SNAP23: variants seen among roughly 807,000 people sequenced by gnomAD.
SNAP23 encodes synaptosome associated protein 23.
SNAP23 carries 11 observed loss-of-function variants against 29.0 expected under a neutral mutation model. That is an observed-to-expected ratio of 0.38 (90% CI 0.24 to 0.63). SNAP23 has a LOEUF of 0.63. SNAP23 is among the 20% of genes least tolerant of loss of function. The pLI is 0.58. For missense variants in SNAP23, 220 were observed against 253.9 expected (o/e 0.87, Z 0.91); for synonymous variants, 60 against 82.9 (o/e 0.72, Z 1.50).
chr15:42,509,806 G>T (rs2057346217), intron 1 of SNAP23, among the ~76,000 whole-genome samples: 1 of 152,106 alleles, frequency 6.6e-6, no homozygotes, highest in Non-Finnish European at 1.5e-5. Flanking sequence ...CGGTGGCTCA[G>T]GCCTGCAATC....
upstream of SNAP23, among the ~76,000 whole-genome samples, chr15:42,491,885 A>G (rs911907439): frequency 1.8e-5 from 2 of 111,942 alleles, no homozygotes; most frequent in Non-Finnish European, 4.0e-5. Flanking sequence ...CCCAGCCTAC[A>G]TTTATTATTT....
intron 6 of SNAP23, 147 bp from the exon 7 acceptor site, chr15:42,529,528 G>A (rs904594139): frequency 1.2e-5 from 9 of 738,744 alleles, no homozygotes; most frequent in African/African-American, 7.1e-5. Flanking sequence ...TTTTATTATA[G>A]AATGTTTCCC....
rs979592946 is a variant in SNAP23, at chr15:42,506,063, A to G, written c.-14-5770A>G. 2.7e-5 allele frequency among the ~76,000 whole-genome samples: 4 copies of G among 150,186 alleles called. No homozygotes were observed. The South Asian group carries it at 8.4e-4, about 31-fold the overall frequency. Reference sequence around the variant, plus strand: ...CGGGTTCAAACGATTCTCCTGCCTCAGCCTCCCGAGTAGCTGGGACTACAG... The same window carrying G: ...CGGGTTCAAACGATTCTCCTGCCTCGGCCTCCCGAGTAGCTGGGACTACAG... On this transcript the variant is annotated intron_variant, in intron 1 of 7. Transcript: ENST00000249647.
intron 5 of SNAP23, among the ~76,000 whole-genome samples, chr15:42,522,377 AAACT>A (rs1479096988): frequency 3.9e-5 from 6 of 152,326 alleles, no homozygotes; most frequent in South Asian, 2.1e-4. Context: ...AATTAATACA[AAACT>A]AACTAATATT....
rs1365929938 is a variant in SNAP23 at position 42,532,987 on chromosome 15, C to T, written c.*1509C>T. On this transcript the variant is annotated 3_prime_UTR_variant, in exon 8 of 8. Coordinates refer to ENST00000249647, the MANE Select transcript of SNAP23 (RefSeq NM_003825.4). ...TTTTAAAATTAGCATCTGAACACTT[C>T]AAAGCTGTCAGTGTGTATTGGTTTC... 6.6e-6 allele frequency: 1 copy of T among 152,582 alleles called. No individual in the cohort carries two copies. Among genetic ancestry groups the T allele is most frequent in the African/African-American group, 2.4e-5 (1 of 41,394 alleles). The allele number at this position is 152,582 out of a possible 1,614,324, so 9.5% of individuals were successfully genotyped here.
intron 1 of SNAP23, among the ~76,000 whole-genome samples, chr15:42,498,491 G>T (rs964459740): frequency 3.9e-5 from 6 of 152,192 alleles, no homozygotes; most frequent in Non-Finnish European, 7.3e-5. Flanking sequence ...CCAGGAGCTG[G>T]AGCAGCTGGG....
intron 1 of SNAP23, among the ~76,000 whole-genome samples, chr15:42,497,251 C>T (rs1373991046): frequency 6.9e-6 from 1 of 143,900 alleles, no homozygotes; most frequent in African/African-American, 2.6e-5. Context: ...CTCTGTCGCT[C>T]AGGCTGGAGT....
intron 2 of SNAP23, chr15:42,512,303 A>T (rs2057363149): frequency 6.7e-6 from 1 of 148,920 alleles, no homozygotes; most frequent in Non-Finnish European, 1.5e-5. Context: ...TTTCAACATC[A>T]CACTGGAAGT....
intron 6 of SNAP23, among the ~76,000 whole-genome samples, chr15:42,529,007 G>T (rs6493051): frequency 0.98 from 149,690 of 152,350 alleles, 73,584 homozygotes; most frequent in East Asian, 1. Context: ...GAAAAAAATA[G>T]GTTTTAAAAT....
upstream of SNAP23, chr15:42,495,322 T>C (rs1308468114): frequency 1.3e-5 from 2 of 152,242 alleles, no homozygotes; most frequent in African/African-American, 2.4e-5. Flanking sequence ...TGTTTACATA[T>C]CTATATCTTA....
At chr15:42,503,297 G>A (rs1168906626) in intron 1 of SNAP23, among the ~76,000 whole-genome samples, 6 of 152,000 alleles carry the variant, frequency 3.9e-5, no homozygotes, top group Admixed American at 6.6e-5. Flanking sequence ...CGCCTCCCGG[G>A]TTCAAGTGAT....
At chr15:42,511,572 C>T (rs191184342) in intron 1 of SNAP23, among the ~76,000 whole-genome samples, 50 of 152,266 alleles carry the variant, frequency 3.3e-4, no homozygotes, top group Non-Finnish European at 6.3e-4. Context: ...ATCCACTTTC[C>T]TGTTGGAAAG....
intron 1 of SNAP23, among the ~76,000 whole-genome samples, chr15:42,510,935 G>C (rs2057354253): frequency 6.6e-6 from 1 of 152,060 alleles, no homozygotes; most frequent in African/African-American, 2.4e-5. Context: ...GATTCCTGGG[G>C]TCAAATCTGT....
In SNAP23 at chr15:42,505,033, T is replaced by G. The variant is rs557848398; in HGVS notation, c.-14-6800T>G. ...AATATTTTAGCTGCAAAATCCTTGT[T>G]TACCAGTATAAAAAGAATTATCTTA... On this transcript the variant is annotated intron_variant, in intron 1 of 7. Coordinates refer to ENST00000249647, the MANE Select transcript of SNAP23 (RefSeq NM_003825.4). The G allele has an allele frequency of 3.3e-5, 5 of 152,352 alleles. No individual in the cohort carries two copies. The South Asian group carries it at 1.0e-3, about 32-fold the overall frequency. 9.4% of individuals were successfully genotyped at this position (152,352 alleles called of 1,614,324 possible).
In SNAP23 at chr15:42,531,770, T is replaced by G. The variant is rs2057568160; in HGVS notation, c.*292T>G. On this transcript the variant is annotated 3_prime_UTR_variant, in exon 8 of 8. Coordinates refer to ENST00000249647, the MANE Select transcript of SNAP23 (RefSeq NM_003825.4). ...ATATACTTCAGCAGGTTCTTTTGCT[T>G]TCAAGATTTGGAAGCATTGCCAAAG... is the stretch of plus-strand genomic sequence containing the variant. The G allele has an allele frequency of 1.7e-5, 4 of 231,562 alleles. No individual in the cohort carries two copies. Among genetic ancestry groups the G allele is most frequent in the Non-Finnish European group, 3.3e-5 (4 of 120,124 alleles). 14.3% of individuals were successfully genotyped at this position (231,562 alleles called of 1,614,324 possible).
intron 5 of SNAP23, chr15:42,521,684 TG>T (rs1231902811): frequency 8.6e-7 from 1 of 1,158,772 alleles, no homozygotes; most frequent in Non-Finnish European, 1.2e-6. Context: ...TGGCGCAGTT[TG>T]GGCTGCTAAC....
intron 5 of SNAP23, among the ~76,000 whole-genome samples, chr15:42,518,110 T>C (rs2057412504): frequency 6.6e-6 from 1 of 152,124 alleles, no homozygotes; most frequent in Admixed American, 6.6e-5. Context: ...AAGTATTATC[T>C]CAGTTAAAGA....
rs1291148265 is a variant in SNAP23 at position 42,515,348 on chromosome 15, G to T, written c.260G>T (p.Cys87Phe). Residue 87 changes from cysteine (C) to phenylalanine (F), a missense_variant, in exon 5 of 8, where the codon TGT (cysteine) becomes TTT (phenylalanine). Physicochemically the swap from Cys to Phe is radical, Grantham distance 205 (BLOSUM62 -2). Coordinates refer to ENST00000249647, the MANE Select transcript of SNAP23 (RefSeq NM_003825.4). ...NKCCGLCVCP[C>F]NRTKNFESGK... is the part of the protein sequence containing the mutation. The stretch of plus-strand genomic sequence containing the variant: ...TGCTGTGGCCTTTGTGTCTGCCCAT[G>T]TAATAGGTGAGTTGATAAATTAAGA... 6.3e-7 allele frequency: 1 copy of T among 1,579,108 alleles called. No homozygotes were observed. The highest frequency in any genetic ancestry group is 1.7e-5 in the Admixed American group (1 of 57,202).
intron 5 of SNAP23, among the ~76,000 whole-genome samples, chr15:42,525,526 C>T (rs1371119168): frequency 3.5e-5 from 4 of 114,136 alleles, no homozygotes; most frequent in East Asian, 3.2e-4. Flanking sequence ...TGCAGTGGCA[C>T]GATCTGGGCT....
Sources: gnomAD v4.1 joint callset for allele counts (sites outside exome capture counted in the v4.1 genomes callset) on GRCh38, gnomAD v4.1.1 for gene constraint, MANE v1.5 for transcripts, NCBI Gene and HGNC (gene_info 2026-07-23, HGNC 2026-07-21) for gene names.